PTPRC: variants seen among roughly 807,000 people sequenced by gnomAD.
PTPRC encodes protein tyrosine phosphatase receptor type C.
Under a neutral mutation model 155.9 loss-of-function variants are expected in PTPRC, and 44 were observed. The observed-to-expected ratio is 0.28, with a 90% CI of 0.22 to 0.36. PTPRC has a LOEUF of 0.36. Among genes scored for constraint, PTPRC ranks in the 10% least tolerant of loss-of-function variants. The pLI, the probability that PTPRC is intolerant of heterozygous loss-of-function variation, is 1.00. For synonymous variants in PTPRC, 525 were observed against 533.1 expected (o/e 0.98, Z 0.21); for missense variants, 1,401 against 1,564.6 (o/e 0.90, Z 1.76).
At chr1:198,679,821 G>T in intron 2 of PTPRC, 1 of 555,102 alleles carries the variant, frequency 1.8e-6, no homozygotes, top group Non-Finnish European at 3.2e-6. Context: ...GCTTCTTCCT[G>T]CCGGGAGCGT....
At chr1:198,644,636 GA>G (rs1264391906) in intron 2 of PTPRC, among the ~76,000 whole-genome samples, 1 of 151,712 alleles carries the variant, frequency 6.6e-6, no homozygotes, top group Non-Finnish European at 1.5e-5. Context: ...AACAAATAGA[GA>G]AACAAAAGCT....
At chr1:198,738,460 G>T (rs764928812) in intron 23 of PTPRC, among the ~76,000 whole-genome samples, 1 of 151,788 alleles carries the variant, frequency 6.6e-6, no homozygotes, top group Non-Finnish European at 1.5e-5. Context: ...TAATTGATTT[G>T]TGTATGTTGA....
At chr1:198,742,885 A>G (rs1028835094) in intron 25 of PTPRC, among the ~76,000 whole-genome samples, 5 of 151,778 alleles carry the variant, frequency 3.3e-5, no homozygotes, top group Admixed American at 6.6e-5. Flanking sequence ...CAAAAGTAAT[A>G]CAAATAAAGC....
chr1:198,664,431 T>A (rs1399276262), intron 2 of PTPRC, among the ~76,000 whole-genome samples: 1 of 152,178 alleles, frequency 6.6e-6, no homozygotes, highest in Non-Finnish European at 1.5e-5. Flanking sequence ...TCAGAGGACA[T>A]GATGTGATCC....
chr1:198,747,635 TGACTAATTA>T (rs1370096625), intron 26 of PTPRC, among the ~76,000 whole-genome samples: 2 of 151,876 alleles, frequency 1.3e-5, no homozygotes, highest in Non-Finnish European at 2.9e-5. Flanking sequence ...GGATCTTTTC[TGACTAATTA>T]GGAACTGTGG....
intron 2 of PTPRC, among the ~76,000 whole-genome samples, chr1:198,671,844 GTCTGTAT>G (rs1664666105): frequency 1.3e-5 from 2 of 152,158 alleles, no homozygotes; most frequent in Admixed American, 1.3e-4. Flanking sequence ...ATGCTAGGAA[GTCTGTAT>G]TCTTCATGTC....
chr1:198,657,412 ATAAAC>A (rs1259806587), intron 2 of PTPRC: 1 of 152,186 alleles, frequency 6.6e-6, no homozygotes, highest in African/African-American at 2.4e-5. Context: ...GATGTCAAGA[ATAAAC>A]CATTTTCTCC....
intron 2 of PTPRC, among the ~76,000 whole-genome samples, chr1:198,642,944 CTT>C (rs1662706730): frequency 6.8e-6 from 1 of 147,672 alleles, no homozygotes; most frequent in East Asian, 2.0e-4. Context: ...TTCTTTCTTT[CTT>C]TCTTTCTTTC....
chr1:198,693,582 C>T (rs924543985), intron 3 of PTPRC, among the ~76,000 whole-genome samples: 4 of 152,126 alleles, frequency 2.6e-5, no homozygotes, highest in African/African-American at 9.7e-5. Context: ...GACAAGCCTC[C>T]AAGTGATGAA....
Position 198,752,651 on chromosome 1 carries a change from C to T in PTPRC, c.3388C>T (p.Leu1130Phe), listed in dbSNP as rs765840478. The change falls in exon 31 of 33, where the codon CTT becomes TTT. Residue 1130 changes from leucine (L) to phenylalanine (F), a missense_variant. Transcript: ENST00000442510. ...YQYTNWSVEQ[L>F]PAEPKELISM... is the part of the protein sequence containing the mutation. ...ATATACAAACTGGAGTGTGGAGCAGCTTCCTGCAGAACCCAAGGAATTAAT... is the reference window on the plus strand; with the variant it reads ...ATATACAAACTGGAGTGTGGAGCAGTTTCCTGCAGAACCCAAGGAATTAAT... 1.2e-5 allele frequency: 19 copies of T among 1,612,732 alleles called. No homozygotes were observed. Among genetic ancestry groups the T allele is most frequent in the African/African-American group, 2.7e-5 (2 of 74,844 alleles).
At position 198,756,266 on chromosome 1, in the gene PTPRC, C is replaced by A; in HGVS notation, c.*85C>A. The A allele has an allele frequency of 6.6e-7, 1 of 1,511,580 alleles. No homozygotes were observed. The highest frequency in any genetic ancestry group is 9.1e-7 in the Non-Finnish European group (1 of 1,101,784). 93.6% of individuals were successfully genotyped at this position (1,511,580 alleles called of 1,614,324 possible). ...GAAGTAGGAAGTGAAAATAGGTATACAGTGGATTAATTAAATGCAGCGAAC... is the reference window on the plus strand; with the variant it reads ...GAAGTAGGAAGTGAAAATAGGTATAAAGTGGATTAATTAAATGCAGCGAAC... On this transcript the variant is annotated 3_prime_UTR_variant, in exon 33 of 33. Transcript: ENST00000442510.
chr1:198,690,878 C>T (rs922921611), intron 2 of PTPRC, among the ~76,000 whole-genome samples: 1 of 152,006 alleles, frequency 6.6e-6, no homozygotes, highest in Non-Finnish European at 1.5e-5. Flanking sequence ...GAATCTAGTT[C>T]CCATCATGCC....
rs772930520 is a variant in PTPRC at position 198,752,630 on chromosome 1, A to G, written c.3367A>G (p.Thr1123Ala). Residue 1123 changes from threonine (T) to alanine (A), a missense_variant, in exon 31 of 33, where the codon ACA becomes GCA. Thr to Ala is a moderately conservative substitution (Grantham distance 58). This residue lies in a region of PTPRC where 400 missense variants were observed against 389.5 expected (regional missense o/e 1.03). Transcript: ENST00000442510. ...DSRTVYQYQY[T>A]NWSVEQLPAE... is the part of the protein sequence containing the mutation. ...TCGAACTGTGTACCAGTACCAATAT[A>G]CAAACTGGAGTGTGGAGCAGCTTCC... 1 of 1,612,856 alleles carries G rather than the reference A, an allele frequency of 6.2e-7. No individual in the cohort carries two copies. Among genetic ancestry groups the G allele is most frequent in the Non-Finnish European group, 8.5e-7 (1 of 1,179,336 alleles).
At chr1:198,734,147 G>C in intron 20 of PTPRC, 49 bp from the exon 21 acceptor site, 3 of 1,572,562 alleles carry the variant, frequency 1.9e-6, no homozygotes, top group Non-Finnish European at 8.7e-7. Context: ...CTGTTAATGA[G>C]TAATTGAATG....
chr1:198,704,488 G>T lies in PTPRC; in HGVS notation c.675G>T (p.Lys225Asn). The stretch of plus-strand genomic sequence containing the variant: ...CCATTACAGCTACTACTCCATCTAA[G>T]CCAACATGTGGTAAGTTTATTTACT... Reference protein sequence around the residue: ...STTTIATTPSKPTCDEKYANI... With the variant: ...STTTIATTPSNPTCDEKYANI... Residue 225 changes from lysine to asparagine, a missense_variant, in exon 8 of 33, where the codon AAG becomes AAT. Physicochemically the swap from Lys to Asn is moderately conservative, Grantham distance 94 (BLOSUM62 0). Around this residue, in one of 3 missense-constraint regions of PTPRC, gnomAD observed 867 missense variants for 970.4 expected, o/e 0.89. Transcript: ENST00000442510. The T allele has an allele frequency of 1.2e-6, 2 of 1,613,920 alleles. No individual in the cohort carries two copies. Among genetic ancestry groups the T allele is most frequent in the Non-Finnish European group, 1.7e-6 (2 of 1,179,956 alleles).
At chr1:198,652,852 T>C (rs1266931302) in intron 2 of PTPRC, among the ~76,000 whole-genome samples, 1 of 151,710 alleles carries the variant, frequency 6.6e-6, no homozygotes, top group Non-Finnish European at 1.5e-5. Flanking sequence ...GAATAAAAGA[T>C]GGTGTTATGT....
rs1653195272 is a variant in PTPRC at position 198,709,832 on chromosome 1, T to C, written c.1171+8T>C. On this transcript the variant is annotated splice_region_variant and intron_variant, in intron 11 of 32. Coordinates refer to ENST00000442510, the MANE Select transcript of PTPRC (RefSeq NM_002838.5). ...TTAAAACAGATTTTGGGAGTGAGTA[T>C]GTTACTTGCATTTATATGTAAAATT... is the stretch of plus-strand genomic sequence containing the variant. 1 of 1,610,430 alleles carries C rather than the reference T, an allele frequency of 6.2e-7. No individual in the cohort carries two copies.
intron 2 of PTPRC, among the ~76,000 whole-genome samples, chr1:198,690,513 C>T (rs1665868728): frequency 2.0e-5 from 3 of 151,368 alleles, no homozygotes; most frequent in Admixed American, 2.0e-4. Context: ...AATGAGAAAA[C>T]AAGAAAGTCA....
chr1:198,657,232 G>A (rs1663642719), intron 2 of PTPRC, among the ~76,000 whole-genome samples: 1 of 151,792 alleles, frequency 6.6e-6, no homozygotes, highest in Non-Finnish European at 1.5e-5. Context: ...CTTTAAGAAA[G>A]TAGGTTTTTA....
Sources: gnomAD v4.1 joint callset for allele counts (sites outside exome capture counted in the v4.1 genomes callset) on GRCh38, gnomAD v4.1.1 for gene constraint, gnomAD v4.1.1 regional missense constraint, MANE v1.5 for transcripts, NCBI Gene and HGNC (gene_info 2026-07-23, HGNC 2026-07-21) for gene names.